The following AHRR variants were observed in gnomAD, a reference collection of about 807,000 sequenced individuals.
The protein encoded by AHRR is ahR repressor.
A neutral mutation model predicts 44.0 loss-of-function variants in AHRR; 28 were observed. The ratio of observed to expected loss-of-function variants is 0.64; its 90% CI spans 0.47 to 0.87. AHRR has a LOEUF of 0.87. AHRR is among the 40% of genes least tolerant of loss of function. The probability of loss-of-function intolerance (pLI) is 0.00; values close to 1 mark genes in which losing one functional copy is unlikely to be tolerated. For synonymous variants in AHRR, 434 were observed against 407.0 expected, an observed-to-expected ratio of 1.07 and a Z score of -0.80; for missense variants, 990 against 953.9, an observed-to-expected ratio of 1.04 and a Z score of -0.50.
intron 5 of AHRR, among the ~76,000 whole-genome samples, chr5:417,251 T>G (rs1168726838): frequency 4.0e-5 from 6 of 148,794 alleles, no homozygotes; most frequent in Admixed American, 4.0e-4. Context: ...CGGCTTGGTC[T>G]GTATGTGCAG....
At chr5:415,373 GGGTGGGA>G (rs1735696704) in intron 5 of AHRR, among the ~76,000 whole-genome samples, 23 of 124,008 alleles carry the variant, frequency 1.9e-4, no homozygotes, top group South Asian at 8.2e-4. Context: ...CTCCCTGGTC[GGGTGGGA>G]GGCCTAGGGG....
intron 5 of AHRR, chr5:421,369 G>C: frequency 1.5e-6 from 1 of 663,962 alleles, no homozygotes. Context: ...CGTGGAGTCC[G>C]CGCACAGTAC....
chr5:437,036 C>T lies in AHRR; in HGVS notation c.*2202C>T, dbSNP rs1428723175. The T allele has an allele frequency of 6.6e-6, 1 of 152,384 alleles. No individual in the cohort carries two copies. The highest frequency in any genetic ancestry group is 2.4e-5 in the African/African-American group (1 of 41,442). 9.4% of individuals were successfully genotyped at this position (152,384 alleles called of 1,614,324 possible). On this transcript the variant is annotated 3_prime_UTR_variant, in exon 11 of 11. Transcript: ENST00000684583. ...CCGAGTGCCCAGCTCCTTTGCTGAT[C>T]ATGGAAAGACCCTTAATAATTAGGC...
intron 5 of AHRR, among the ~76,000 whole-genome samples, chr5:422,099 G>A (rs1056478217): frequency 1.3e-5 from 2 of 152,128 alleles, no homozygotes; most frequent in Non-Finnish European, 2.9e-5. Context: ...TTCCTCAGGC[G>A]CCGACACGCT....
rs1735201318 is a variant in AHRR at position 405,159 on chromosome 5, A to G, written c.352-8185A>G. On this transcript the variant is annotated intron_variant, in intron 4 of 10. Coordinates refer to ENST00000684583, the MANE Select transcript of AHRR (RefSeq NM_001377236.1). This position sits in a 1 kb window ranked among gnomAD's most constrained non-coding sequence, Gnocchi z 4.5. The stretch of plus-strand genomic sequence containing the variant: ...ATCTGGGCAAACCGAGAGCTTGTGA[A>G]CAGCCCCGATGGGTCCAGGCAGATT... Among the ~76,000 whole-genome samples the G allele has an allele frequency of 6.6e-6, 1 of 152,064 alleles. No homozygotes were observed. Among genetic ancestry groups the G allele is most frequent in the Non-Finnish European group, 1.5e-5 (1 of 68,000 alleles).
intron 3 of AHRR, among the ~76,000 whole-genome samples, chr5:367,226 A>T (rs774287946): frequency 6.6e-6 from 1 of 152,164 alleles, no homozygotes; most frequent in Non-Finnish European, 1.5e-5. Context: ...TGGGGGGAAG[A>T]GCAAGTGCCC....
intron 4 of AHRR, among the ~76,000 whole-genome samples, chr5:409,469 G>A (rs952403544): frequency 6.6e-6 from 1 of 152,218 alleles, no homozygotes; most frequent in African/African-American, 2.4e-5. Context: ...TTCCTCGCCA[G>A]TATTCAGTGC....
In AHRR at chr5:353,716, C is replaced by T. The variant is rs1166244490; in HGVS notation, c.63-14C>T. 9 of 1,598,772 alleles carry T rather than the reference C, an allele frequency of 5.6e-6. No homozygotes were observed. Among genetic ancestry groups the T allele is most frequent in the South Asian group, 1.1e-5 (1 of 89,452 alleles). On this transcript the variant is annotated splice_polypyrimidine_tract_variant and intron_variant, in intron 2 of 10. Coordinates refer to ENST00000684583, the MANE Select transcript of AHRR (RefSeq NM_001377236.1). ...GGTGGAGAAGCCCACCTGACCCAGA[C>T]CATCTCCCCACAGGAGGCCCGCCGT...
At chr5:403,705 C>CAG in intron 4 of AHRR, 1 of 777,914 alleles carries the variant, frequency 1.3e-6, no homozygotes, top group Non-Finnish European at 2.0e-6. Context: ...TACTTTCTCT[C>CAG]AGAGGCATAT....
chr5:432,482 C>T lies in AHRR; in HGVS notation c.928C>T (p.Leu310=). 6.2e-7 allele frequency: 1 copy of T among 1,614,196 alleles called. No homozygotes were observed. Among genetic ancestry groups the T allele is most frequent in the Non-Finnish European group, 8.5e-7 (1 of 1,180,022 alleles). The change falls in exon 9 of 11, where the codon CTG becomes TTG. Residue 310 remains leucine, a synonymous_variant. Transcript: ENST00000684583. ...TCACAGAGTAAAAGCCACCACCAGT[C>T]TGTGCGAATCGGAACTGCATGGAAA... The part of the protein sequence containing the change: ...ADAKVKATTS[L]CESELHGKPN...
At position 338,097 on chromosome 5, in the gene AHRR, C is replaced by T. The variant is rs1389937986; in HGVS notation, c.-10-5796C>T. ...ACTTTGCGAATACATGTCTCCCCTC[C>T]CGGGTCTGTGTAGCCGCCATATACT... On this transcript the variant is annotated intron_variant, in intron 1 of 10. Coordinates refer to ENST00000684583, the MANE Select transcript of AHRR (RefSeq NM_001377236.1). This position sits in a 1 kb window ranked among gnomAD's most constrained non-coding sequence, Gnocchi z 4.1. 6.6e-6 allele frequency among the ~76,000 whole-genome samples: 1 copy of T among 152,206 alleles called. No individual in the cohort carries two copies. The highest frequency in any genetic ancestry group is 1.5e-5 in the Non-Finnish European group (1 of 68,040).
chr5:392,892 C>T (rs1407478250), intron 4 of AHRR, among the ~76,000 whole-genome samples: 2 of 152,058 alleles, frequency 1.3e-5, no homozygotes, highest in Non-Finnish European at 2.9e-5. Context: ...TCATTTTCTG[C>T]GTTTCCTTCT....
chr5:352,809 T>A (rs1288203913), intron 2 of AHRR, among the ~76,000 whole-genome samples: 1 of 151,544 alleles, frequency 6.6e-6, no homozygotes, highest in Non-Finnish European at 1.5e-5. Context: ...GGATGGTCAC[T>A]CTGAGGTTAA....
rs1394707571 is a variant in AHRR at position 326,647 on chromosome 5, T to C, written c.-11+4828T>C. Among the ~76,000 whole-genome samples, 1 of 152,204 alleles carries C rather than the reference T, an allele frequency of 6.6e-6. No homozygotes were observed. Among genetic ancestry groups the C allele is most frequent in the Admixed American group, 6.5e-5 (1 of 15,276 alleles). Reference sequence around the variant, plus strand: ...TATAGTGATTCTGTGTTTAACTTTTTGAGGAAACACCACACTTTTCCACAG... The same window carrying C: ...TATAGTGATTCTGTGTTTAACTTTTCGAGGAAACACCACACTTTTCCACAG... On this transcript the variant is annotated intron_variant, in intron 1 of 10. Coordinates refer to ENST00000684583, the MANE Select transcript of AHRR (RefSeq NM_001377236.1). The surrounding 1 kb of genome is among the most constrained non-coding windows in gnomAD (Gnocchi z 4.1).
At chr5:355,711 C>T (rs1006842566) in intron 3 of AHRR, among the ~76,000 whole-genome samples, 12 of 152,216 alleles carry the variant, frequency 7.9e-5, no homozygotes, top group Non-Finnish European at 1.2e-4. Flanking sequence ...TGCCCCAAGC[C>T]GGGGCAATGG....
intron 5 of AHRR, among the ~76,000 whole-genome samples, chr5:416,780 T>G (rs1429423592): frequency 6.6e-6 from 1 of 152,220 alleles, no homozygotes; most frequent in Non-Finnish European, 1.5e-5. Flanking sequence ...GCACTCACAG[T>G]ACAGGACATG....
chr5:331,820 T>A (rs1741922411), intron 1 of AHRR, among the ~76,000 whole-genome samples: 1 of 152,214 alleles, frequency 6.6e-6, no homozygotes, highest in African/African-American at 2.4e-5. Context: ...TTCCTTATGA[T>A]AATCTAATGC....
chr5:327,208 TCTC>T lies in AHRR; in HGVS notation c.-11+5393_-11+5395del, dbSNP rs372148294. On this transcript the variant is annotated intron_variant, in intron 1 of 10. Transcript: ENST00000684583. ...ATTGTGTATCTTCTTTGGAGAAATG[TCTC>T]CTCAAGTCCTTTGCCCATTTTTTAA... is the stretch of plus-strand genomic sequence containing the variant. Among the ~76,000 whole-genome samples, 25 of 152,362 alleles carry T rather than the reference TCTC, an allele frequency of 1.6e-4. No homozygotes were observed. In the East Asian group the frequency reaches 2.7e-3, roughly 16 times the overall value.
intron 5 of AHRR, among the ~76,000 whole-genome samples, chr5:420,685 C>G (rs527569267): frequency 6.6e-6 from 1 of 152,288 alleles, no homozygotes; most frequent in South Asian, 2.1e-4. Flanking sequence ...ACCAGGAGGG[C>G]GGGATGGCAG....
Sources: allele counts gnomAD v4.1 joint callset (sites outside exome capture counted in the v4.1 genomes callset), GRCh38; gene constraint gnomAD v4.1.1; non-coding constraint Gnocchi (gnomAD v3.1); transcripts MANE v1.5; gene names NCBI Gene and HGNC (gene_info 2026-07-23, HGNC 2026-07-21).